TBL1XR1: variants seen among roughly 807,000 people sequenced by gnomAD.
TBL1XR1 encodes TBL1X/Y related 1.
A neutral mutation model predicts 66.9 loss-of-function variants in TBL1XR1; 5 were observed. The ratio of observed to expected loss-of-function variants is 0.07; its 90% CI spans 0.04 to 0.16. TBL1XR1 has a LOEUF of 0.16. TBL1XR1 is among the 10% of genes least tolerant of loss of function. TBL1XR1 has a pLI of 1.00. For missense variants in TBL1XR1, 238 were observed against 623.2 expected (o/e 0.38, Z 6.58); for synonymous variants, 210 against 206.0 (o/e 1.02, Z -0.17).
chr3:177,085,563 C>A lies in TBL1XR1; in HGVS notation c.-46+12903G>T, dbSNP rs375380100. ...CATGAAGGGACAGGAAACACAAGTT[C>A]TCAGAAGTAGACACGATAAAAAAAA... On this transcript the variant is annotated intron_variant, in intron 2 of 15. Coordinates refer to ENST00000457928, the MANE Select transcript of TBL1XR1 (RefSeq NM_024665.7). 6.6e-5 allele frequency among the ~76,000 whole-genome samples: 10 copies of A among 152,082 alleles called. No individual in the cohort carries two copies. In the East Asian group the frequency reaches 1.9e-3, roughly 29 times the overall value.
chr3:177,062,750 A>AT (rs905066271), intron 3 of TBL1XR1, among the ~76,000 whole-genome samples: 1 of 151,800 alleles, frequency 6.6e-6, no homozygotes, highest in African/African-American at 2.4e-5. Flanking sequence ...TACCATACAA[A>AT]TTTTTTTTTA....
intron 1 of TBL1XR1, among the ~76,000 whole-genome samples, chr3:177,131,782 G>A (rs562621922): frequency 1.9e-4 from 29 of 152,032 alleles, no homozygotes; most frequent in Non-Finnish European, 3.4e-4. Flanking sequence ...GATCACAGGC[G>A]TGAGCCACCA....
chr3:177,124,160 G>GT (rs1480201777), intron 1 of TBL1XR1, among the ~76,000 whole-genome samples: 1 of 148,604 alleles, frequency 6.7e-6, no homozygotes. Flanking sequence ...AAAAACTGGA[G>GT]TATTTCTATC....
chr3:177,041,175 T>C (rs1002900432), intron 10 of TBL1XR1: 1 of 152,288 alleles, frequency 6.6e-6, no homozygotes, highest in African/African-American at 2.4e-5. Flanking sequence ...TAAGCCTTTT[T>C]GCCTGTGCTG....
At chr3:177,056,303 T>G (rs1196408400) in intron 3 of TBL1XR1, among the ~76,000 whole-genome samples, 1 of 152,254 alleles carries the variant, frequency 6.6e-6, no homozygotes, top group Non-Finnish European at 1.5e-5. Flanking sequence ...TTATAGAGTT[T>G]AAGTTTAAAG....
chr3:177,184,564 G>A (rs909923465), intron 1 of TBL1XR1, among the ~76,000 whole-genome samples: 3 of 152,212 alleles, frequency 2.0e-5, no homozygotes, highest in African/African-American at 7.2e-5. Context: ...CACTTTGGGA[G>A]GCAGAGGCCA....
At position 177,132,304 on chromosome 3, in the gene TBL1XR1, A is replaced by G. The variant is rs1728398082; in HGVS notation, c.-121-33763T>C. ...TGCGCACATCAGTGATCCTGATCCA[A>G]GAAAGAAAGATATCCATATGGCCCT... On this transcript the variant is annotated intron_variant, in intron 1 of 15. Transcript: ENST00000457928. Among the ~76,000 whole-genome samples the G allele has an allele frequency of 2.6e-5, 4 of 152,182 alleles. No individual in the cohort carries two copies. In the South Asian group the frequency reaches 8.3e-4, roughly 32 times the overall value.
intron 1 of TBL1XR1, among the ~76,000 whole-genome samples, chr3:177,180,132 G>A (rs1734626919): frequency 6.6e-6 from 1 of 151,412 alleles, no homozygotes; most frequent in African/African-American, 2.4e-5. Flanking sequence ...AGCTACTTGG[G>A]AGGCTGGGGC....
intron 1 of TBL1XR1, among the ~76,000 whole-genome samples, chr3:177,143,846 C>G (rs978043542): frequency 6.6e-6 from 1 of 152,140 alleles, no homozygotes; most frequent in African/African-American, 2.4e-5. Flanking sequence ...CTAAAGAAAA[C>G]AACGCTTTGG....
intron 1 of TBL1XR1, among the ~76,000 whole-genome samples, chr3:177,108,894 C>T (rs898260028): frequency 2.6e-5 from 4 of 152,052 alleles, no homozygotes; most frequent in Admixed American, 2.0e-4. Flanking sequence ...TAAGTTGTGG[C>T]AATACTAGCT....
intron 2 of TBL1XR1, among the ~76,000 whole-genome samples, chr3:177,071,542 A>G (rs1720014232): frequency 6.6e-6 from 1 of 152,190 alleles, no homozygotes; most frequent in Admixed American, 6.5e-5. Flanking sequence ...AATGTCCAAA[A>G]GATTGTTCAG....
chr3:177,067,353 T>G (rs1400760939), intron 2 of TBL1XR1, among the ~76,000 whole-genome samples: 1 of 152,142 alleles, frequency 6.6e-6, no homozygotes, highest in Admixed American at 6.5e-5. Flanking sequence ...AACAGTAAAT[T>G]TTCTTTTCCC....
rs1236730038 is a variant in TBL1XR1 at position 177,053,926 on chromosome 3, C to A, written c.59-8G>T. 6.3e-7 allele frequency: 1 copy of A among 1,596,426 alleles called. No homozygotes were observed. Among genetic ancestry groups the A allele is most frequent in the Admixed American group, 1.8e-5 (1 of 55,658 alleles). The stretch of plus-strand genomic sequence containing the variant: ...ATGCTGAATGAGAAAATCCTAAAAA[C>A]AAAAGAAAAGGCATGAGAATTTATT... On this transcript the variant is annotated splice_polypyrimidine_tract_variant and splice_region_variant and intron_variant, in intron 3 of 15. Transcript: ENST00000457928.
At position 177,134,971 on chromosome 3, in the gene TBL1XR1, G is replaced by GTGTGTGTGTC. The variant is rs1283330297; in HGVS notation, c.-121-36431_-121-36430insGACACACACA. ...TGTGTGTGTGTGTGTGTGTGTCTGT[G>GTGTGTGTGTC]TGTGTGTCTGTGTGTGTGTGTTTTG... is the stretch of plus-strand genomic sequence containing the variant. On this transcript the variant is annotated intron_variant, in intron 1 of 15. Transcript: ENST00000457928. 6.2e-3 allele frequency among the ~76,000 whole-genome samples: 912 copies of GTGTGTGTGTC among 146,136 alleles called. 9 individuals are homozygous for GTGTGTGTGTC. Among genetic ancestry groups the GTGTGTGTGTC allele is most frequent in the African/African-American group, 0.02 (805 of 39,860 alleles).
chr3:177,062,923 T>A (rs1343160853), intron 3 of TBL1XR1, among the ~76,000 whole-genome samples: 4 of 151,808 alleles, frequency 2.6e-5, no homozygotes. Flanking sequence ...TCACCTAAGG[T>A]CGGGAGTTTG....
At chr3:177,119,925 T>G (rs1577225497) in intron 1 of TBL1XR1, among the ~76,000 whole-genome samples, 2 of 152,174 alleles carry the variant, frequency 1.3e-5, no homozygotes, top group African/African-American at 4.8e-5. Context: ...AGTTGGGATA[T>G]CCTCCTTTTT....
At chr3:177,184,842 G>A (rs1735223618) in intron 1 of TBL1XR1, among the ~76,000 whole-genome samples, 2 of 151,362 alleles carry the variant, frequency 1.3e-5, no homozygotes, top group South Asian at 4.2e-4. Context: ...ACTGGTCTAA[G>A]GACCCAGTCA....
intron 1 of TBL1XR1, among the ~76,000 whole-genome samples, chr3:177,116,548 T>C (rs777936840): frequency 4.6e-5 from 7 of 152,202 alleles, no homozygotes; most frequent in South Asian, 2.1e-4. Context: ...TACATGCCTG[T>C]CTCCCTTCAC....
intron 1 of TBL1XR1, among the ~76,000 whole-genome samples, chr3:177,187,942 C>CTTTT (rs1560280218): frequency 1.5e-5 from 2 of 129,254 alleles, no homozygotes; most frequent in African/African-American, 7.3e-5. Context: ...AGTACAATTT[C>CTTTT]CTTTTTTTTT....
Sources: gnomAD v4.1 joint callset for allele counts (sites outside exome capture counted in the v4.1 genomes callset) on GRCh38, gnomAD v4.1.1 for gene constraint, MANE v1.5 for transcripts, NCBI Gene and HGNC (gene_info 2026-07-23, HGNC 2026-07-21) for gene names.